The following CAMKMT variants were observed in gnomAD, a reference collection of about 807,000 sequenced individuals.
The protein encoded by CAMKMT is CaM KMT.
CAMKMT carries 53 observed loss-of-function variants against 48.0 expected under a neutral mutation model. The ratio of observed to expected loss-of-function variants is 1.10; its 90% CI spans 0.89 to 1.39. CAMKMT has a LOEUF of 1.39. CAMKMT is among the 40% of genes most tolerant of loss of function. The probability of loss-of-function intolerance (pLI) is 0.00; values close to 1 mark genes in which losing one functional copy is unlikely to be tolerated. For missense variants in CAMKMT, 428 were observed against 402.7 expected, an observed-to-expected ratio of 1.06 and a Z score of -0.54; for synonymous variants, 165 against 152.3, an observed-to-expected ratio of 1.08 and a Z score of -0.61.
chr2:44,733,367 T>C (rs1214868935), intron 7 of CAMKMT, among the ~76,000 whole-genome samples: 1 of 152,208 alleles, frequency 6.6e-6, no homozygotes, highest in Non-Finnish European at 1.5e-5. Context: ...ATACAACTGA[T>C]TCTTGTACAT....
intron 3 of CAMKMT, among the ~76,000 whole-genome samples, chr2:44,471,200 A>G (rs975910913): frequency 1.3e-5 from 2 of 152,128 alleles, no homozygotes; most frequent in Non-Finnish European, 2.9e-5. Flanking sequence ...CATGTTGGCC[A>G]GGCTGGTCTG....
intron 7 of CAMKMT, among the ~76,000 whole-genome samples, chr2:44,736,637 A>G (rs534440803): frequency 6.6e-6 from 1 of 152,128 alleles, no homozygotes; most frequent in African/African-American, 2.4e-5. Context: ...TGAGAAGTCC[A>G]GTTTCACATG....
At chr2:44,547,235 G>A (rs1402299622) in intron 3 of CAMKMT, among the ~76,000 whole-genome samples, 1 of 152,180 alleles carries the variant, frequency 6.6e-6, no homozygotes, top group Non-Finnish European at 1.5e-5. Context: ...TCCTCTAGCA[G>A]TCACTTGGAA....
Position 44,362,026 on chromosome 2 carries a change from G to C in CAMKMT, c.19G>C (p.Asp7His). The C allele has an allele frequency of 7.1e-7, 1 of 1,417,100 alleles. No individual in the cohort carries two copies. The highest frequency in any genetic ancestry group is 9.2e-7 in the Non-Finnish European group (1 of 1,090,952). 87.8% of individuals were successfully genotyped at this position (1,417,100 alleles called of 1,614,324 possible). Residue 7 changes from aspartate to histidine, a missense_variant, in exon 1 of 11, where the codon GAC (aspartate) becomes CAC (histidine). Transcript: ENST00000378494. ...CAGTGAGATGGAGTCGCGAGTCGCG[G>C]ACGCTGGGACCGGCGAGACCGCGCG... is the stretch of plus-strand genomic sequence containing the variant. MESRVA[D>H]AGTGETARAA...
chr2:44,586,056 T>A (rs1049811623), intron 3 of CAMKMT, among the ~76,000 whole-genome samples: 1 of 152,162 alleles, frequency 6.6e-6, no homozygotes, highest in Non-Finnish European at 1.5e-5. Context: ...AAGTTCAGAC[T>A]AGAGAAGAGA....
At chr2:44,379,032 C>T (rs786623) in intron 2 of CAMKMT, among the ~76,000 whole-genome samples, 79,890 of 152,072 alleles carry the variant, frequency 0.53, 23,384 homozygotes, top group Non-Finnish European at 0.66. Flanking sequence ...TTTCATTACC[C>T]TGAAAAGAAA....
At chr2:44,739,305 G>A (rs1679534243) in intron 7 of CAMKMT, among the ~76,000 whole-genome samples, 1 of 152,216 alleles carries the variant, frequency 6.6e-6, no homozygotes, top group South Asian at 2.1e-4. Flanking sequence ...GAGATAGAGA[G>A]AAGTGGTTAG....
chr2:44,766,525 A>G lies in CAMKMT; in HGVS notation c.858A>G (p.Glu286=), dbSNP rs766498427. The change falls in exon 10 of 11, where the codon GAA becomes GAG. Residue 286 remains glutamate (E), a synonymous_variant. Transcript: ENST00000378494. ...EKAGFCIQRH[E]NYDEHISNFH... is the part of the protein sequence containing the mutation. ...CTGGTTTCTGTATCCAAAGACATGA[A>G]AATTATGATGAACACATTTCAAACT... The G allele has an allele frequency of 3.1e-6, 5 of 1,614,162 alleles. No individual in the cohort carries two copies. Among genetic ancestry groups the G allele is most frequent in the Non-Finnish European group, 4.2e-6 (5 of 1,180,026 alleles).
chr2:44,407,907 A>T (rs1387374571), intron 3 of CAMKMT, among the ~76,000 whole-genome samples: 1 of 152,168 alleles, frequency 6.6e-6, no homozygotes, highest in Non-Finnish European at 1.5e-5. Context: ...TCAGAAGCAT[A>T]TGGCTCAACT....
At chr2:44,375,858 T>C (rs1013419351) in intron 2 of CAMKMT, among the ~76,000 whole-genome samples, 3 of 152,060 alleles carry the variant, frequency 2.0e-5, no homozygotes, top group African/African-American at 4.8e-5. Context: ...CATTCTCAGC[T>C]TACTGCAACC....
At chr2:44,476,857 G>A (rs982676253) in intron 3 of CAMKMT, among the ~76,000 whole-genome samples, 1 of 152,092 alleles carries the variant, frequency 6.6e-6, no homozygotes, top group Non-Finnish European at 1.5e-5. Flanking sequence ...CAAAGGATTG[G>A]TCTAAGGATC....
chr2:44,418,393 T>C (rs1215280171), intron 3 of CAMKMT, among the ~76,000 whole-genome samples: 3 of 152,070 alleles, frequency 2.0e-5, no homozygotes, highest in Non-Finnish European at 4.4e-5. Context: ...TGAGTTAATA[T>C]ATACATATAA....
chr2:44,626,869 T>G (rs1672512407), intron 3 of CAMKMT, among the ~76,000 whole-genome samples: 1 of 152,188 alleles, frequency 6.6e-6, no homozygotes, highest in African/African-American at 2.4e-5. Context: ...CTTGATTTCC[T>G]TTTCTTGCTC....
At chr2:44,743,563 C>G (rs1482457052) in intron 7 of CAMKMT, 59 bp from the exon 8 acceptor site, 1 of 1,259,316 alleles carries the variant, frequency 7.9e-7, no homozygotes, top group Non-Finnish European at 1.1e-6. Flanking sequence ...GTTAATAGCT[C>G]AAAATCAAAA....
At chr2:44,551,240 G>A (rs1667700507) in intron 3 of CAMKMT, among the ~76,000 whole-genome samples, 1 of 152,160 alleles carries the variant, frequency 6.6e-6, no homozygotes, top group South Asian at 2.1e-4. Flanking sequence ...GTGTCATGCA[G>A]TGCGTGGGCA....
At chr2:44,536,575 G>A (rs533304023) in intron 3 of CAMKMT, among the ~76,000 whole-genome samples, 2 of 151,802 alleles carry the variant, frequency 1.3e-5, no homozygotes, top group South Asian at 2.1e-4. Context: ...TGATCCACCC[G>A]CCTCAGCCTC....
intron 3 of CAMKMT, among the ~76,000 whole-genome samples, chr2:44,636,649 T>A (rs1275841061): frequency 6.6e-6 from 1 of 152,220 alleles, no homozygotes; most frequent in Non-Finnish European, 1.5e-5. Flanking sequence ...TTAAAAATAT[T>A]CTCTCATAGA....
At chr2:44,370,946 G>A (rs1315050056) in intron 1 of CAMKMT, among the ~76,000 whole-genome samples, 2 of 152,118 alleles carry the variant, frequency 1.3e-5, no homozygotes, top group Non-Finnish European at 2.9e-5. Context: ...GAGTAGCTAG[G>A]ACTACAGGCA....
At chr2:44,554,265 A>C (rs1283449921) in intron 3 of CAMKMT, among the ~76,000 whole-genome samples, 1 of 152,216 alleles carries the variant, frequency 6.6e-6, no homozygotes, top group Non-Finnish European at 1.5e-5. Context: ...GTAGTTAGTT[A>C]AACATTATGA....
Sources: allele counts gnomAD v4.1 joint callset (sites outside exome capture counted in the v4.1 genomes callset), GRCh38; gene constraint gnomAD v4.1.1; transcripts MANE v1.5; gene names NCBI Gene and HGNC (gene_info 2026-07-23, HGNC 2026-07-21).